ARHGEF3: variants seen among roughly 807,000 people sequenced by gnomAD.
ARHGEF3 encodes the protein 59.8 kDA protein.
ARHGEF3 carries 28 observed loss-of-function variants against 63.2 expected under a neutral mutation model. The ratio of observed to expected loss-of-function variants is 0.44; its 90% CI spans 0.33 to 0.61. The LOEUF (loss-of-function observed/expected upper bound fraction) is 0.61, where lower values mean the gene tolerates loss of function less well. ARHGEF3 is among the 20% of genes least tolerant of loss of function. The probability of loss-of-function intolerance (pLI) is 0.03; values close to 1 mark genes in which losing one functional copy is unlikely to be tolerated. For missense variants in ARHGEF3, 533 were observed against 659.3 expected (o/e 0.81, Z 2.10); for synonymous variants, 266 against 254.2 (o/e 1.05, Z -0.44).
chr3:56,873,673 G>A (rs1199892955), intron 4 of ARHGEF3, among the ~76,000 whole-genome samples: 1 of 152,128 alleles, frequency 6.6e-6, no homozygotes, highest in Non-Finnish European at 1.5e-5. Flanking sequence ...GTCTCCCAAA[G>A]TTTTGGGATT....
At chr3:56,921,230 A>G (rs973098671) in intron 3 of ARHGEF3, among the ~76,000 whole-genome samples, 9 of 151,710 alleles carry the variant, frequency 5.9e-5, no homozygotes, top group African/African-American at 2.2e-4. Flanking sequence ...GACCAAAAAA[A>G]AAAAGGTTGG....
intron 1 of ARHGEF3, among the ~76,000 whole-genome samples, chr3:56,791,487 G>C (rs1292458025): frequency 6.6e-6 from 1 of 152,178 alleles, no homozygotes; most frequent in Non-Finnish European, 1.5e-5. Context: ...GTATACAGAA[G>C]TTTTTATCTA....
At chr3:56,775,200 C>G in intron 1 of ARHGEF3, 1 of 1,460,394 alleles carries the variant, frequency 6.8e-7, no homozygotes, top group Non-Finnish European at 9.1e-7. Flanking sequence ...TTCAGATTCT[C>G]CAGGATATTT....
intron 2 of ARHGEF3, among the ~76,000 whole-genome samples, chr3:57,017,032 T>TCTCTCTCTCACA (rs1221332567): frequency 2.2e-4 from 23 of 104,388 alleles, no homozygotes; most frequent in East Asian, 1.1e-3. Context: ...TCTCTCTCTC[T>TCTCTCTCTCACA]CACACACACA....
intron 4 of ARHGEF3, among the ~76,000 whole-genome samples, chr3:56,810,837 C>T (rs186975170): frequency 2.0e-5 from 3 of 152,230 alleles, no homozygotes; most frequent in Admixed American, 6.5e-5. Context: ...GCAGCAGACC[C>T]AGAAATCTGT....
At chr3:57,014,446 G>A (rs1014196574) in intron 2 of ARHGEF3, among the ~76,000 whole-genome samples, 1 of 152,028 alleles carries the variant, frequency 6.6e-6, no homozygotes, top group Non-Finnish European at 1.5e-5. Flanking sequence ...AAGAAAGCAG[G>A]AAATCGAGCC....
chr3:57,002,782 T>C (rs1344592487), intron 2 of ARHGEF3, among the ~76,000 whole-genome samples: 33 of 148,060 alleles, frequency 2.2e-4, no homozygotes, highest in Admixed American at 2.2e-3. Flanking sequence ...CTTTTCTTTT[T>C]TTTTTTTTTT....
chr3:57,076,111 G>T (rs1579232576), intron 1 of ARHGEF3, among the ~76,000 whole-genome samples: 1 of 152,234 alleles, frequency 6.6e-6, no homozygotes, highest in East Asian at 1.9e-4. Flanking sequence ...ATATAGCTAG[G>T]GTTGCTTTAA....
intron 4 of ARHGEF3, among the ~76,000 whole-genome samples, chr3:56,866,762 G>A (rs1370908718): frequency 1.3e-5 from 2 of 152,184 alleles, no homozygotes; most frequent in Non-Finnish European, 2.9e-5. Flanking sequence ...ACCACATGGT[G>A]GGCACCAGGC....
intron 1 of ARHGEF3, among the ~76,000 whole-genome samples, chr3:57,077,495 G>T (rs1407510122): frequency 6.6e-6 from 1 of 152,176 alleles, no homozygotes; most frequent in Non-Finnish European, 1.5e-5. Flanking sequence ...TATCTGTGGA[G>T]ATTCAGAAGA....
At chr3:57,003,846 C>T (rs975908317) in intron 2 of ARHGEF3, among the ~76,000 whole-genome samples, 3 of 152,182 alleles carry the variant, frequency 2.0e-5, no homozygotes, top group African/African-American at 4.8e-5. Context: ...GCCAGGAAAC[C>T]GATCCTTCCC....
chr3:57,056,477 G>T (rs1481460128), intron 1 of ARHGEF3, among the ~76,000 whole-genome samples: 3 of 151,848 alleles, frequency 2.0e-5, no homozygotes, highest in African/African-American at 7.3e-5. Flanking sequence ...ACTAGATATG[G>T]GAGGGAGCTG....
At chr3:56,742,606 A>C (rs140240647) in intron 7 of ARHGEF3, among the ~76,000 whole-genome samples, 24 of 152,342 alleles carry the variant, frequency 1.6e-4, no homozygotes, top group Non-Finnish European at 3.2e-4. Flanking sequence ...AATGCACCCA[A>C]GAGTACAGGG....
intron 1 of ARHGEF3, among the ~76,000 whole-genome samples, chr3:56,779,542 G>A (rs978597254): frequency 1.3e-5 from 2 of 152,088 alleles, no homozygotes; most frequent in Non-Finnish European, 2.9e-5. Context: ...GCGCAGGCTG[G>A]AGTGCAGTGG....
In ARHGEF3 at chr3:56,923,025, AATATATATATATAT is replaced by A. The variant is rs72294634; in HGVS notation, c.129+35784_129+35797del. On this transcript the variant is annotated intron_variant, in intron 3 of 12. Coordinates refer to the ARHGEF3 transcript ENST00000338458. ...AAATGGCAAAACCCCATCTCTACTA[AATATATATATATAT>A]ATATATATATATATATATATATATA... 2.9e-3 allele frequency among the ~76,000 whole-genome samples: 267 copies of A among 91,230 alleles called. 1 individual carries two copies. Among genetic ancestry groups the A allele is most frequent in the African/African-American group, 0.01 (212 of 20,752 alleles). 59.9% of individuals were successfully genotyped at this position (91,230 alleles called of 152,430 possible). A position where few individuals can be genotyped will look rare whatever the true frequency, so the allele number is the denominator to read the frequency against.
intron 4 of ARHGEF3, among the ~76,000 whole-genome samples, chr3:56,839,284 T>C (rs1013469226): frequency 6.6e-6 from 1 of 152,188 alleles, no homozygotes; most frequent in Admixed American, 6.5e-5. Context: ...TATTAGTATA[T>C]GAGTATTTGT....
At chr3:56,843,865 A>C (rs1424690912) in intron 4 of ARHGEF3, among the ~76,000 whole-genome samples, 2 of 152,150 alleles carry the variant, frequency 1.3e-5, no homozygotes, top group African/African-American at 4.8e-5. Context: ...ATGAATGGCA[A>C]TTTGAGGGAG....
chr3:56,910,048 A>G (rs2041813930), intron 3 of ARHGEF3, among the ~76,000 whole-genome samples: 1 of 152,114 alleles, frequency 6.6e-6, no homozygotes, highest in Admixed American at 6.6e-5. Flanking sequence ...GCGCACTTAT[A>G]AGCATAAGAG....
At chr3:56,891,218 A>G (rs769146239) in intron 3 of ARHGEF3, among the ~76,000 whole-genome samples, 2 of 150,610 alleles carry the variant, frequency 1.3e-5, no homozygotes, top group Admixed American at 6.6e-5. Context: ...AGATCTCCCT[A>G]TGTCTTGCAG....
Sources: gnomAD v4.1 joint callset for allele counts (sites outside exome capture counted in the v4.1 genomes callset) on GRCh38, gnomAD v4.1.1 for gene constraint, MANE v1.5 for transcripts, NCBI Gene and HGNC (gene_info 2026-07-23, HGNC 2026-07-21) for gene names.